The following IFT81 variants were observed in gnomAD, a reference collection of about 807,000 sequenced individuals.
IFT81 encodes intraflagellar transport 81.
IFT81 carries 72 observed loss-of-function variants against 102.6 expected under a neutral mutation model. The ratio of observed to expected loss-of-function variants is 0.70; its 90% CI spans 0.58 to 0.85. The LOEUF (loss-of-function observed/expected upper bound fraction) is 0.85. IFT81 is among the 40% of genes least tolerant of loss of function. IFT81 has a pLI of 0.00. For synonymous variants in IFT81, 237 were observed against 242.7 expected, an observed-to-expected ratio of 0.98 and a Z score of 0.22; for missense variants, 723 against 787.3, an observed-to-expected ratio of 0.92 and a Z score of 0.98.
chr12:110,133,034 G>A (rs1419181308), intron 5 of IFT81, among the ~76,000 whole-genome samples: 1 of 144,486 alleles, frequency 6.9e-6, no homozygotes, highest in Non-Finnish European at 1.5e-5. Flanking sequence ...ACAGTGGTGT[G>A]ATCACAGCTC....
chr12:110,126,046 A>G (rs1893819234), intron 1 of IFT81, among the ~76,000 whole-genome samples: 2 of 152,184 alleles, frequency 1.3e-5, no homozygotes, highest in South Asian at 4.1e-4. Flanking sequence ...TGGGAGGCCA[A>G]GGTGGGCGGA....
At chr12:110,181,113 C>T (rs1897303014) in intron 12 of IFT81, among the ~76,000 whole-genome samples, 1 of 152,002 alleles carries the variant, frequency 6.6e-6, no homozygotes, top group Non-Finnish European at 1.5e-5. Flanking sequence ...TTTTCTTTCA[C>T]CAACGAGGAA....
At chr12:110,126,755 A>G (rs185185187) in intron 1 of IFT81, among the ~76,000 whole-genome samples, 72 of 152,320 alleles carry the variant, frequency 4.7e-4, no homozygotes, top group Admixed American at 4.7e-3. Context: ...CTGTGGCCTC[A>G]TTGAAGGCCA....
At chr12:110,181,977 C>T (rs1378759470) in intron 12 of IFT81, among the ~76,000 whole-genome samples, 2 of 152,162 alleles carry the variant, frequency 1.3e-5, no homozygotes, top group Non-Finnish European at 2.9e-5. Flanking sequence ...ACAAATTGCA[C>T]TGGAGTTGAT....
At chr12:110,149,027 G>T (rs955237659) in intron 10 of IFT81, among the ~76,000 whole-genome samples, 2 of 152,162 alleles carry the variant, frequency 1.3e-5, no homozygotes, top group African/African-American at 4.8e-5. Context: ...TATCCTTAAT[G>T]ATGCTCAAAT....
At chr12:110,130,985 A>G (rs997047350) in intron 4 of IFT81, among the ~76,000 whole-genome samples, 4 of 152,156 alleles carry the variant, frequency 2.6e-5, no homozygotes, top group African/African-American at 9.7e-5. Flanking sequence ...GTCATTCCCC[A>G]TCAAAATAAC....
At chr12:110,153,817 A>G (rs969552508) in intron 10 of IFT81, among the ~76,000 whole-genome samples, 1 of 149,850 alleles carries the variant, frequency 6.7e-6, no homozygotes, top group African/African-American at 2.5e-5. Context: ...CCATGTCTCT[A>G]CTAAAGGTCA....
chr12:110,174,307 A>G lies in IFT81; in HGVS notation c.1189-6115A>G, dbSNP rs950028583. On this transcript the variant is annotated intron_variant, in intron 11 of 18. Coordinates refer to ENST00000242591, the MANE Select transcript of IFT81 (RefSeq NM_014055.4). ...AAAAAAAAAAAAAAAAAAAAAAAAAATTAGCCGGGTGTGGTGGTGTGCCTG... is the reference window on the plus strand; with the variant it reads ...AAAAAAAAAAAAAAAAAAAAAAAAAGTTAGCCGGGTGTGGTGGTGTGCCTG... 2.9e-3 allele frequency among the ~76,000 whole-genome samples: 375 copies of G among 129,474 alleles called. 1 individual carries two copies. Among genetic ancestry groups the G allele is most frequent in the African/African-American group, 0.011 (362 of 31,914 alleles). The allele number at this position is 129,474 out of a possible 152,430, so 84.9% of individuals were successfully genotyped here.
chr12:110,142,342 A>G (rs1020581757), intron 8 of IFT81, among the ~76,000 whole-genome samples: 1 of 151,862 alleles, frequency 6.6e-6, no homozygotes, highest in Non-Finnish European at 1.5e-5. Flanking sequence ...TAATTTTTGT[A>G]TTGTTAGTAG....
At chr12:110,159,659 A>AG (rs1896035204) in intron 10 of IFT81, among the ~76,000 whole-genome samples, 1 of 152,194 alleles carries the variant, frequency 6.6e-6, no homozygotes, top group Admixed American at 6.5e-5. Context: ...CTTCAGTAAG[A>AG]GGGGGAGGGA....
chr12:110,198,850 C>T (rs919488270), intron 14 of IFT81, among the ~76,000 whole-genome samples: 2 of 150,266 alleles, frequency 1.3e-5, no homozygotes, highest in African/African-American at 4.9e-5. Flanking sequence ...TTGCTCTTCG[C>T]CCAGGCTGGA....
chr12:110,148,257 G>T (rs530061886), intron 10 of IFT81, among the ~76,000 whole-genome samples: 1 of 151,132 alleles, frequency 6.6e-6, no homozygotes. Flanking sequence ...TTTGTTTCCC[G>T]TATTTCCTAT....
At chr12:110,201,951 G>C (rs1401819304) in intron 14 of IFT81, among the ~76,000 whole-genome samples, 1 of 152,102 alleles carries the variant, frequency 6.6e-6, no homozygotes, top group Non-Finnish European at 1.5e-5. Flanking sequence ...GCCTGAGGCT[G>C]TTTCACAGTT....
At chr12:110,193,569 C>T (rs930057207) in intron 14 of IFT81, among the ~76,000 whole-genome samples, 2 of 152,212 alleles carry the variant, frequency 1.3e-5, no homozygotes, top group Non-Finnish European at 2.9e-5. Context: ...CAGACAGCCT[C>T]CACCATTTGA....
chr12:110,214,271 C>T (rs1593382355), intron 18 of IFT81, among the ~76,000 whole-genome samples: 2 of 144,724 alleles, frequency 1.4e-5, no homozygotes, highest in African/African-American at 2.5e-5. Flanking sequence ...TCAAAATTGA[C>T]TTTTTTTTTT....
At chr12:110,175,842 T>G (rs1011504940) in intron 11 of IFT81, among the ~76,000 whole-genome samples, 2 of 152,150 alleles carry the variant, frequency 1.3e-5, no homozygotes, top group Non-Finnish European at 2.9e-5. Flanking sequence ...TTAGACAGAG[T>G]CTGTCTCTGT....
chr12:110,127,548 G>T, intron 2 of IFT81, 24 bp downstream of exon 2: 1 of 1,569,056 alleles, frequency 6.4e-7, no homozygotes, highest in African/African-American at 1.4e-5. Flanking sequence ...CTTTCTTTTT[G>T]ATGGGTAGCA....
At chr12:110,162,570 C>T in intron 10 of IFT81, 1 of 177,582 alleles carries the variant, frequency 5.6e-6, no homozygotes, top group South Asian at 1.2e-4. Flanking sequence ...CTCCTGACCT[C>T]ATGATCCTCC....
chr12:110,182,327 T>C (rs1293843084), intron 12 of IFT81, among the ~76,000 whole-genome samples: 2 of 152,196 alleles, frequency 1.3e-5, no homozygotes, highest in Non-Finnish European at 2.9e-5. Flanking sequence ...GTGGGACAAA[T>C]GGAAACTCTC....
Sources: allele counts gnomAD v4.1 joint callset (sites outside exome capture counted in the v4.1 genomes callset), GRCh38; gene constraint gnomAD v4.1.1; transcripts MANE v1.5; gene names NCBI Gene and HGNC (gene_info 2026-07-23, HGNC 2026-07-21).